The following SLC39A11 variants were observed in gnomAD, a reference collection of about 807,000 sequenced individuals.
SLC39A11 encodes zinc transporter ZIP11.
A neutral mutation model predicts 36.1 loss-of-function variants in SLC39A11; 33 were observed. The observed-to-expected ratio is 0.91, with a 90% CI of 0.69 to 1.22. The LOEUF is 1.22. SLC39A11 is among the 50% of genes most tolerant of loss of function. The pLI is 0.00. For missense variants in SLC39A11, 432 were observed against 430.3 expected (o/e 1.00, Z -0.03); for synonymous variants, 166 against 170.3 (o/e 0.97, Z 0.20).
At chr17:72,786,679 T>C (rs1376053859) in intron 6 of SLC39A11, among the ~76,000 whole-genome samples, 1 of 152,158 alleles carries the variant, frequency 6.6e-6, no homozygotes, top group Non-Finnish European at 1.5e-5. Context: ...TGCTTCTGTA[T>C]GGGCAGGAAG....
chr17:72,670,326 GT>G (rs564934909), intron 7 of SLC39A11, among the ~76,000 whole-genome samples: 7 of 150,780 alleles, frequency 4.6e-5, no homozygotes, highest in Admixed American at 4.6e-4. Context: ...AGTTGTGATT[GT>G]GCCACTGCAC....
At chr17:72,946,030 C>G (rs1163811700) in intron 5 of SLC39A11, among the ~76,000 whole-genome samples, 1 of 152,166 alleles carries the variant, frequency 6.6e-6, no homozygotes, top group East Asian at 1.9e-4. Flanking sequence ...AAGGGGAACC[C>G]AGGAGCCCAG....
intron 4 of SLC39A11, among the ~76,000 whole-genome samples, chr17:73,008,169 T>TG (rs895309580): frequency 1.5e-4 from 22 of 148,338 alleles, no homozygotes; most frequent in African/African-American, 5.3e-4. Flanking sequence ...TTTTTTGTTT[T>TG]TTTTTTTTTG....
At chr17:72,807,363 C>T (rs942981309) in intron 6 of SLC39A11, among the ~76,000 whole-genome samples, 2 of 152,206 alleles carry the variant, frequency 1.3e-5, no homozygotes, top group Admixed American at 6.5e-5. Context: ...CAGAGCTTCC[C>T]AAACTCCTGG....
At chr17:72,781,553 G>A (rs113382425) in intron 6 of SLC39A11, among the ~76,000 whole-genome samples, 5,551 of 151,818 alleles carry the variant, frequency 0.037, 312 homozygotes, top group African/African-American at 0.12. Context: ...CCTCCCGAGT[G>A]GCTGGGATTA....
At chr17:73,056,907 G>T (rs923563374) in intron 3 of SLC39A11, among the ~76,000 whole-genome samples, 1 of 152,140 alleles carries the variant, frequency 6.6e-6, no homozygotes, top group Non-Finnish European at 1.5e-5. Flanking sequence ...ATTTTTATTT[G>T]TGAGGCACAT....
At chr17:72,687,341 C>T (rs762470218) in intron 7 of SLC39A11, among the ~76,000 whole-genome samples, 8 of 152,090 alleles carry the variant, frequency 5.3e-5, no homozygotes, top group East Asian at 1.9e-4. Flanking sequence ...CTGCAACCTC[C>T]GCCTTCCGGC....
intron 6 of SLC39A11, among the ~76,000 whole-genome samples, chr17:72,838,296 A>G (rs1487531399): frequency 6.7e-6 from 1 of 149,112 alleles, no homozygotes; most frequent in Non-Finnish European, 1.5e-5. Context: ...TGGCACAACC[A>G]CGGCTCACTG....
chr17:72,896,311 C>T (rs1192968986), intron 5 of SLC39A11, among the ~76,000 whole-genome samples: 5 of 144,874 alleles, frequency 3.5e-5, no homozygotes, highest in Admixed American at 2.2e-4. Context: ...AAGTGATTCT[C>T]GTGCCTCAAC....
chr17:72,833,121 T>A (rs2713958), intron 6 of SLC39A11, among the ~76,000 whole-genome samples: 3 of 152,068 alleles, frequency 2.0e-5, no homozygotes, highest in Non-Finnish European at 4.4e-5. Flanking sequence ...TATTCCCTCT[T>A]GCCTGGTCTC....
At chr17:72,722,322 C>T (rs1056698095) in intron 7 of SLC39A11, among the ~76,000 whole-genome samples, 3 of 152,132 alleles carry the variant, frequency 2.0e-5, no homozygotes, top group Admixed American at 6.5e-5. Flanking sequence ...TAAAAATACA[C>T]CGTCCAATTT....
At chr17:72,818,402 C>A (rs2077655327) in intron 6 of SLC39A11, among the ~76,000 whole-genome samples, 1 of 152,154 alleles carries the variant, frequency 6.6e-6, no homozygotes, top group Non-Finnish European at 1.5e-5. Context: ...TGTGGACAAG[C>A]ACCTGCAGAT....
intron 4 of SLC39A11, among the ~76,000 whole-genome samples, chr17:73,029,533 G>A (rs540232707): frequency 4.6e-5 from 7 of 152,148 alleles, no homozygotes; most frequent in South Asian, 2.1e-4. Flanking sequence ...ACACATAGTC[G>A]GCAGCAAGGA....
chr17:73,013,756 G>A (rs563606127), intron 4 of SLC39A11, among the ~76,000 whole-genome samples: 1 of 152,062 alleles, frequency 6.6e-6, no homozygotes, highest in South Asian at 2.1e-4. Flanking sequence ...TGTGGCCCAG[G>A]GAAGCCAAAA....
Position 72,648,890 on chromosome 17 carries a change from T to G in SLC39A11, c.842A>C (p.Glu281Ala). The G allele has an allele frequency of 6.2e-7, 1 of 1,614,092 alleles. No individual in the cohort carries two copies. ...VFGAFAVVLA[E>A]PILPYALAFA... ...GGCCAGAGCGTAGGGCAGGATGGGC[T>G]CAGCCAGCACCACGGCAAAGGCACC... The change falls in exon 9 of 10, where the codon GAG becomes GCG. Residue 281 changes from glutamate (E) to alanine (A), a missense_variant. By Grantham distance (107) the Glu-to-Ala change is moderately radical. Transcript: ENST00000255559.
At chr17:72,675,069 G>C (rs528647380) in intron 7 of SLC39A11, among the ~76,000 whole-genome samples, 14 of 152,102 alleles carry the variant, frequency 9.2e-5, no homozygotes, top group Admixed American at 2.6e-4. Context: ...ACTGCCCCCC[G>C]CTTCCATACA....
intron 7 of SLC39A11, among the ~76,000 whole-genome samples, chr17:72,731,094 C>T (rs1249272698): frequency 6.6e-6 from 1 of 152,160 alleles, no homozygotes; most frequent in Non-Finnish European, 1.5e-5. Context: ...TACCTTGGCA[C>T]TTGCACGACA....
At chr17:72,752,309 A>T (rs1202339034) in intron 6 of SLC39A11, among the ~76,000 whole-genome samples, 2 of 152,016 alleles carry the variant, frequency 1.3e-5, no homozygotes, top group Non-Finnish European at 2.9e-5. Flanking sequence ...CAGTGGCGTG[A>T]TCTTGGCTTA....
intron 7 of SLC39A11, 45 bp from the exon 8 acceptor site, chr17:72,649,313 T>C: frequency 6.4e-7 from 1 of 1,568,866 alleles, no homozygotes; most frequent in Non-Finnish European, 8.7e-7. Flanking sequence ...CTGGAATAGG[T>C]GCTCACACAA....
Sources: allele counts gnomAD v4.1 joint callset (sites outside exome capture counted in the v4.1 genomes callset), GRCh38; gene constraint gnomAD v4.1.1; transcripts MANE v1.5; gene names NCBI Gene and HGNC (gene_info 2026-07-23, HGNC 2026-07-21).